The following DCC variants were observed in gnomAD, a reference collection of about 807,000 sequenced individuals.
DCC encodes DCC netrin 1 receptor.
DCC carries 58 observed loss-of-function variants against 172.5 expected under a neutral mutation model. That is an observed-to-expected ratio of 0.34 (90% CI 0.27 to 0.42). The LOEUF is 0.42. Among genes scored for constraint, DCC ranks in the 10% least tolerant of loss-of-function variants. The pLI is 1.00. For missense variants in DCC, 1,740 were observed against 1,791.0 expected (o/e 0.97, Z 0.51); for synonymous variants, 709 against 644.5 (o/e 1.10, Z -1.52).
intron 7 of DCC, among the ~76,000 whole-genome samples, chr18:53,098,991 A>T (rs1403108717): frequency 1.3e-5 from 2 of 152,136 alleles, no homozygotes; most frequent in Non-Finnish European, 2.9e-5. Flanking sequence ...CCTGTGTGAC[A>T]TAGCAAGACC....
intron 1 of DCC, among the ~76,000 whole-genome samples, chr18:52,528,938 C>A (rs1376693275): frequency 1.3e-5 from 2 of 152,136 alleles, no homozygotes; most frequent in African/African-American, 4.8e-5. Flanking sequence ...CAATACTTAT[C>A]AACTGGCTGT....
rs66474118 is a variant in DCC, at chr18:53,203,201, T to TTGTGTG, written c.1574-1986_1574-1981dup. On this transcript the variant is annotated intron_variant, in intron 9 of 28. Transcript: ENST00000442544. ...TTATTCTGATGATATATAGATTCTC[T>TTGTGTG]TGTGTGTGTGTGTGTGTGTGTGTGT... Among the ~76,000 whole-genome samples, 421 of 125,318 alleles carry TTGTGTG rather than the reference T, an allele frequency of 3.4e-3. 3 individuals carry two copies. Among genetic ancestry groups the TTGTGTG allele is most frequent in the African/African-American group, 7.1e-3 (250 of 35,152 alleles). 82.2% of individuals were successfully genotyped at this position (125,318 alleles called of 152,430 possible). A position where few individuals can be genotyped will look rare whatever the true frequency, so the allele number is the denominator to read the frequency against.
chr18:53,079,975 G>GGATGGCTA (rs1409562191), intron 7 of DCC, among the ~76,000 whole-genome samples: 3 of 152,046 alleles, frequency 2.0e-5, no homozygotes, highest in African/African-American at 7.2e-5. Flanking sequence ...TGTGGGATAG[G>GGATGGCTA]GATGGCTAAA....
Position 52,418,825 on chromosome 18 carries a change from A to G in DCC, c.91+77947A>G, listed in dbSNP as rs79533137. Among the ~76,000 whole-genome samples, 96 of 149,632 alleles carry G rather than the reference A, an allele frequency of 6.4e-4. No homozygotes were observed. The East Asian group carries it at 0.019, about 29-fold the overall frequency. On this transcript the variant is annotated intron_variant, in intron 1 of 28. Transcript: ENST00000442544. ...ATTATCTAGTGAAAAACAGTATCCGAGATCCTTTTTCTTTTTCTTTCTTTC... is the reference window on the plus strand; with the variant it reads ...ATTATCTAGTGAAAAACAGTATCCGGGATCCTTTTTCTTTTTCTTTCTTTC...
At chr18:52,529,447 C>T (rs1014188211) in intron 1 of DCC, among the ~76,000 whole-genome samples, 1 of 152,240 alleles carries the variant, frequency 6.6e-6, no homozygotes, top group African/African-American at 2.4e-5. Flanking sequence ...CCTGCCACCA[C>T]GCCCAGCTAA....
In DCC at chr18:53,239,078, A is replaced by G. The variant is rs183003300; in HGVS notation, c.1911+23481A>G. Reference sequence around the variant, plus strand: ...GGGAGGGGGGAGGGATAGCATTAGGAGATATACCTAATGTAAGTGACGAAT... The same window carrying G: ...GGGAGGGGGGAGGGATAGCATTAGGGGATATACCTAATGTAAGTGACGAAT... On this transcript the variant is annotated intron_variant, in intron 12 of 28. Transcript: ENST00000442544. Among the ~76,000 whole-genome samples, 797 of 151,618 alleles carry G rather than the reference A, an allele frequency of 5.3e-3. 6 individuals are homozygous for G. Among genetic ancestry groups the G allele is most frequent in the Admixed American group, 0.022 (330 of 15,190 alleles).
intron 7 of DCC, among the ~76,000 whole-genome samples, chr18:53,084,139 T>G (rs1224646450): frequency 6.6e-6 from 1 of 152,186 alleles, no homozygotes; most frequent in Non-Finnish European, 1.5e-5. Flanking sequence ...GTAAAGGCTT[T>G]CTTTCTGGTG....
At chr18:52,700,087 A>G (rs1336714617) in intron 1 of DCC, among the ~76,000 whole-genome samples, 1 of 151,326 alleles carries the variant, frequency 6.6e-6, no homozygotes, top group African/African-American at 2.4e-5. Context: ...GTGAATGTTT[A>G]TAAGTTACCA....
At chr18:53,240,465 G>A (rs1407230959) in intron 12 of DCC, among the ~76,000 whole-genome samples, 2 of 152,144 alleles carry the variant, frequency 1.3e-5, no homozygotes, top group Non-Finnish European at 2.9e-5. Flanking sequence ...TTTACCACTG[G>A]AAGGATCAGA....
At chr18:52,352,759 G>T (rs1858371801) in intron 1 of DCC, among the ~76,000 whole-genome samples, 1 of 152,090 alleles carries the variant, frequency 6.6e-6, no homozygotes, top group Admixed American at 6.5e-5. Flanking sequence ...TGTATTCCAG[G>T]CACAAGTATT....
intron 1 of DCC, among the ~76,000 whole-genome samples, chr18:52,371,370 C>A (rs2144298365): frequency 1.3e-5 from 2 of 152,194 alleles, no homozygotes; most frequent in Middle Eastern, 3.4e-3. Context: ...CTAAATTGGA[C>A]AATTTTTATC....
At chr18:53,440,768 A>T (rs1388212733) in intron 22 of DCC, among the ~76,000 whole-genome samples, 1 of 151,972 alleles carries the variant, frequency 6.6e-6, no homozygotes, top group Non-Finnish European at 1.5e-5. Flanking sequence ...CTCACCTATC[A>T]TCCACCCATT....
chr18:53,047,025 T>G (rs2042247636), intron 5 of DCC, among the ~76,000 whole-genome samples: 1 of 151,262 alleles, frequency 6.6e-6, no homozygotes, highest in African/African-American at 2.4e-5. Context: ...CCACATGATC[T>G]CCCTGAAGGG....
At chr18:53,038,862 G>T (rs536088378) in intron 5 of DCC, among the ~76,000 whole-genome samples, 1 of 151,842 alleles carries the variant, frequency 6.6e-6, no homozygotes, top group African/African-American at 2.4e-5. Context: ...GTCAATTGGT[G>T]AAGCCAGGAC....
At chr18:52,887,253 G>T (rs1253949391) in intron 2 of DCC, among the ~76,000 whole-genome samples, 1 of 151,646 alleles carries the variant, frequency 6.6e-6, no homozygotes, top group East Asian at 1.9e-4. Flanking sequence ...AATTAATGCA[G>T]GCTCATCTAT....
chr18:53,437,289 A>C (rs1912001082), intron 22 of DCC, among the ~76,000 whole-genome samples: 1 of 152,158 alleles, frequency 6.6e-6, no homozygotes, highest in Non-Finnish European at 1.5e-5. Context: ...GTAGTTTAGG[A>C]AGCACACAGG....
chr18:52,828,634 G>A (rs1049815674), intron 2 of DCC, among the ~76,000 whole-genome samples: 9 of 151,918 alleles, frequency 5.9e-5, no homozygotes, highest in African/African-American at 1.2e-4. Flanking sequence ...TGGGGGCTTC[G>A]GCCAACAGAA....
At chr18:53,065,969 G>C (rs2042559913) in intron 6 of DCC, 77 bp from the exon 7 acceptor site, 4 of 1,547,092 alleles carry the variant, frequency 2.6e-6, no homozygotes, top group African/African-American at 2.7e-5. Context: ...ATCAAACTTT[G>C]GTCTCATCTA....
At chr18:53,433,493 T>C (rs1911751693) in intron 21 of DCC, among the ~76,000 whole-genome samples, 1 of 152,180 alleles carries the variant, frequency 6.6e-6, no homozygotes, top group South Asian at 2.1e-4. Flanking sequence ...TAAGTGATGA[T>C]GTTAGCATCT....
Sources: gnomAD v4.1 joint callset for allele counts (sites outside exome capture counted in the v4.1 genomes callset) on GRCh38, gnomAD v4.1.1 for gene constraint, MANE v1.5 for transcripts, NCBI Gene and HGNC (gene_info 2026-07-23, HGNC 2026-07-21) for gene names.